Variants in OXNAD1 observed in about 807,000 individuals in gnomAD.
OXNAD1 encodes the protein oxidoreductase NAD-binding domain-containing protein 1.
In OXNAD1, 34 loss-of-function variants were observed where a neutral mutation model predicts 32.9. That is an observed-to-expected ratio of 1.03 (90% confidence interval 0.79 to 1.38). OXNAD1 has a LOEUF of 1.38. Among genes scored for constraint, OXNAD1 ranks in the 40% most tolerant of loss-of-function variants. The pLI is 0.00. For missense variants in OXNAD1, 407 were observed against 379.4 expected, an observed-to-expected ratio of 1.07 and a Z score of -0.60; for synonymous variants, 134 against 135.2, an observed-to-expected ratio of 0.99 and a Z score of 0.06.
chr3:16,334,550 A>G lies in OXNAD1; in HGVS notation c.*31-2562A>G, dbSNP rs2070666263. 2.0e-5 allele frequency among the ~76,000 whole-genome samples: 3 copies of G among 152,314 alleles called. No homozygotes were observed. The highest frequency in any genetic ancestry group is 4.1e-4 in the South Asian group (2 of 4,820). ...TTTAACATTATGTTTCACCCAGACA[A>G]CAGCTCAGAGAACTGGGCAATGGCT... On this transcript the variant is annotated intron_variant, in intron 9 of 9. Transcript: ENST00000435829. The surrounding 1 kb of genome is among the most constrained non-coding windows in gnomAD (Gnocchi z 4.3).
Position 16,303,542 on chromosome 3 carries a change from T to C in OXNAD1, c.919T>C (p.Cys307Arg). ...CAACCATGTACCCAAAGAACACATT[T>C]GCTTTGAGAAGTGGTGGTAGGAGGC... ...ENNHVPKEHI[C>R]FEKWW The change falls in exon 9 of 9, where the codon TGC becomes CGC. Residue 307 changes from cysteine (C) to arginine (R), a missense_variant. Coordinates refer to ENST00000285083, the MANE Select transcript of OXNAD1 (RefSeq NM_138381.5). This position sits in a 1 kb window ranked among gnomAD's most constrained non-coding sequence, Gnocchi z 4.8. The C allele has an allele frequency of 6.2e-7, 1 of 1,613,938 alleles. No homozygotes were observed. Among genetic ancestry groups the C allele is most frequent in the South Asian group, 1.1e-5 (1 of 91,082 alleles).
chr3:16,266,121 A>T (rs2064479274), intron 1 of OXNAD1, among the ~76,000 whole-genome samples: 1 of 152,184 alleles, frequency 6.6e-6, no homozygotes, highest in Admixed American at 6.5e-5. Context: ...TGAGTTGTTG[A>T]TTACCTCTGG....
chr3:16,266,011 T>G (rs867913283), intron 1 of OXNAD1, among the ~76,000 whole-genome samples: 7 of 152,232 alleles, frequency 4.6e-5, no homozygotes, highest in African/African-American at 1.7e-4. Flanking sequence ...ACCGATTACA[T>G]TGGGTCTTAC....
chr3:16,316,714 C>T lies in OXNAD1; in HGVS notation c.*30+13122C>T. On this transcript the variant is annotated intron_variant, in intron 9 of 9. Transcript: ENST00000435829. The surrounding 1 kb of genome is among the most constrained non-coding windows in gnomAD (Gnocchi z 4.5). The stretch of plus-strand genomic sequence containing the variant: ...GTGAGCTCACAAGGAGAGGTCAAGC[C>T]AAGCCAAAGGGTAGGTAACACACAA... The T allele has an allele frequency of 7.5e-7, 1 of 1,332,836 alleles. No homozygotes were observed. Among genetic ancestry groups the T allele is most frequent in the East Asian group, 2.3e-5 (1 of 43,540 alleles). The allele number at this position is 1,332,836 out of a possible 1,614,324, so 82.6% of individuals were successfully genotyped here.
chr3:16,327,014 G>T lies in OXNAD1; in HGVS notation c.*31-10098G>T. On this transcript the variant is annotated intron_variant, in intron 9 of 9. Coordinates refer to the OXNAD1 transcript ENST00000435829. This position sits in a 1 kb window ranked among gnomAD's most constrained non-coding sequence, Gnocchi z 4.2. ...CCGGCCACTCAGAGGCTCCTGCTCCGATGCTTGCTGAAGACTTTAAAAGTT... is the reference window on the plus strand; with the variant it reads ...CCGGCCACTCAGAGGCTCCTGCTCCTATGCTTGCTGAAGACTTTAAAAGTT... 1 of 608,126 alleles carries T rather than the reference G, an allele frequency of 1.6e-6. No individual in the cohort carries two copies. Among genetic ancestry groups the T allele is most frequent in the Admixed American group, 3.0e-5 (1 of 32,838 alleles). The allele number at this position is 608,126 out of a possible 1,614,324, so 37.7% of individuals were successfully genotyped here.
chr3:16,306,841 G>T (rs2067596053), downstream of OXNAD1, among the ~76,000 whole-genome samples: 1 of 152,132 alleles, frequency 6.6e-6, no homozygotes, highest in African/African-American at 2.4e-5. Context: ...GGCATATAAT[G>T]TCTGTCCCAC....
In OXNAD1 at chr3:16,301,979, G is replaced by T; in HGVS notation, c.675+111G>T. The T allele has an allele frequency of 2.2e-6, 3 of 1,378,984 alleles. No homozygotes were observed. Among genetic ancestry groups the T allele is most frequent in the Non-Finnish European group, 2.9e-6 (3 of 1,021,428 alleles). The allele number at this position is 1,378,984 out of a possible 1,614,324, so 85.4% of individuals were successfully genotyped here. A position where few individuals can be genotyped will look rare whatever the true frequency, so the allele number is the denominator to read the frequency against. On this transcript the variant is annotated intron_variant, in intron 7 of 8. Coordinates refer to ENST00000285083, the MANE Select transcript of OXNAD1 (RefSeq NM_138381.5). This position sits in a 1 kb window ranked among gnomAD's most constrained non-coding sequence, Gnocchi z 4.1. ...CTGCAAAGGTTCAAACAAAAGGCTT[G>T]GCAAGATTTAATCATGCTTAAATGA...
rs1360879939 is a variant in OXNAD1, at chr3:16,321,667, A to G, written c.*31-15445A>G. Among the ~76,000 whole-genome samples, 1 of 152,184 alleles carries G rather than the reference A, an allele frequency of 6.6e-6. No homozygotes were observed. The highest frequency in any genetic ancestry group is 2.1e-4 in the South Asian group (1 of 4,834). On this transcript the variant is annotated intron_variant, in intron 9 of 9. Transcript: ENST00000435829. This position sits in a 1 kb window ranked among gnomAD's most constrained non-coding sequence, Gnocchi z 4.8. ...AACAAGTGCTCCACACCAGTCACCT[A>G]CAGTCTTGGAATGAGGCAGGAAATA... is the stretch of plus-strand genomic sequence containing the variant.
At chr3:16,272,644 G>A (rs2065030392) in intron 4 of OXNAD1, among the ~76,000 whole-genome samples, 1 of 118,826 alleles carries the variant, frequency 8.4e-6, no homozygotes, top group African/African-American at 3.3e-5. Context: ...TCAGCTTAAA[G>A]TTCTTTTTTT....
chr3:16,348,369 A>AG lies in OXNAD1; in HGVS notation c.*31-807_*31-806insG, dbSNP rs1003339892. Among the ~76,000 whole-genome samples, 10 of 152,206 alleles carry AG rather than the reference A, an allele frequency of 6.6e-5. No individual in the cohort carries two copies. Among genetic ancestry groups the AG allele is most frequent in the African/African-American group, 2.2e-4 (9 of 41,526 alleles). On this transcript the variant is annotated intron_variant, in intron 9 of 9. Coordinates refer to the OXNAD1 transcript ENST00000606098. This position sits in a 1 kb window ranked among gnomAD's most constrained non-coding sequence, Gnocchi z 6.3. Reference sequence around the variant, plus strand: ...CCAATATGTGTTCTAATTATAAAAAAAAATTAATAGATGTGCCTTCTCTTC... The same window carrying AG: ...CCAATATGTGTTCTAATTATAAAAAAGAAATTAATAGATGTGCCTTCTCTTC...
At chr3:16,291,177 G>A (rs2066406911) in intron 5 of OXNAD1, among the ~76,000 whole-genome samples, 1 of 152,160 alleles carries the variant, frequency 6.6e-6, no homozygotes, top group African/African-American at 2.4e-5. Context: ...GGCCATATCG[G>A]CCTATTAAGT....
rs796214636 is a variant in OXNAD1, at chr3:16,329,065, G to A, written c.*31-8047G>A. On this transcript the variant is annotated intron_variant, in intron 9 of 9. Transcript: ENST00000435829. This position sits in a 1 kb window ranked among gnomAD's most constrained non-coding sequence, Gnocchi z 4.5. Reference sequence around the variant, plus strand: ...TTGAATGGTGAGGCCTGGTGGGAGTGTTTAGGTCAGAAGGGCTCCACTCTT... The same window carrying A: ...TTGAATGGTGAGGCCTGGTGGGAGTATTTAGGTCAGAAGGGCTCCACTCTT... Among the ~76,000 whole-genome samples the A allele has an allele frequency of 1.8e-4, 27 of 152,354 alleles. No homozygotes were observed. Among genetic ancestry groups the A allele is most frequent in the African/African-American group, 6.5e-4 (27 of 41,586 alleles).
chr3:16,276,857 C>T (rs950032158), intron 4 of OXNAD1, among the ~76,000 whole-genome samples: 1 of 151,852 alleles, frequency 6.6e-6, no homozygotes, highest in African/African-American at 2.4e-5. Flanking sequence ...AAAATCCAAT[C>T]ATGGTACTAC....
chr3:16,332,078 A>T (rs1408925519), intron 9 of OXNAD1, among the ~76,000 whole-genome samples: 1 of 152,130 alleles, frequency 6.6e-6, no homozygotes, highest in East Asian at 1.9e-4. Context: ...ATTTCATGAC[A>T]ATGTGCTTTG....
In OXNAD1 at chr3:16,348,916, G is replaced by A. The variant is rs1426035358; in HGVS notation, c.*31-260G>A. On this transcript the variant is annotated intron_variant, in intron 9 of 9. Transcript: ENST00000606098. The surrounding 1 kb of genome is among the most constrained non-coding windows in gnomAD (Gnocchi z 6.3). ...CACATTTCAGAACACCCGAGCAAGT[G>A]GCTGCTGCCAAGGAGGAGGCAGAGG... Among the ~76,000 whole-genome samples the A allele has an allele frequency of 6.6e-6, 1 of 152,194 alleles. No homozygotes were observed. The highest frequency in any genetic ancestry group is 1.5e-5 in the Non-Finnish European group (1 of 68,032).
chr3:16,324,469 T>C (rs2069455053), intron 9 of OXNAD1, among the ~76,000 whole-genome samples: 1 of 152,138 alleles, frequency 6.6e-6, no homozygotes, highest in Non-Finnish European at 1.5e-5. Flanking sequence ...GTAAACACCA[T>C]TCTACTCTCT....
At chr3:16,311,572 G>GAAAT (rs2067985367) in intron 9 of OXNAD1, among the ~76,000 whole-genome samples, 1 of 152,176 alleles carries the variant, frequency 6.6e-6, no homozygotes, top group Non-Finnish European at 1.5e-5. Flanking sequence ...TTACTCTGAG[G>GAAAT]AAATGCCTTT....
In OXNAD1 at chr3:16,317,952, C is replaced by T. The variant is rs1209364868; in HGVS notation, c.*30+14360C>T. Among the ~76,000 whole-genome samples, 3 of 152,160 alleles carry T rather than the reference C, an allele frequency of 2.0e-5. No individual in the cohort carries two copies. The East Asian group carries it at 5.8e-4, about 29-fold the overall frequency. The stretch of plus-strand genomic sequence containing the variant: ...TGACTGCATCACAGCCCAAATTCTC[C>T]CTCTGCCCGCTACTGTACCGACAAG... On this transcript the variant is annotated intron_variant, in intron 9 of 9. Transcript: ENST00000435829. The surrounding 1 kb of genome is among the most constrained non-coding windows in gnomAD (Gnocchi z 4.3).
chr3:16,299,410 A>T lies in OXNAD1; in HGVS notation c.433-2216A>T, dbSNP rs953577902. ...CCTAACTGAATGCTCCCTTGCTGCT[A>T]ATTTCTTTTGTCAAAAATGAAAACC... On this transcript the variant is annotated intron_variant, in intron 6 of 8. Coordinates refer to ENST00000285083, the MANE Select transcript of OXNAD1 (RefSeq NM_138381.5). This position sits in a 1 kb window ranked among gnomAD's most constrained non-coding sequence, Gnocchi z 4.4. 1.6e-4 allele frequency among the ~76,000 whole-genome samples: 25 copies of T among 152,162 alleles called. No homozygotes were observed. Among genetic ancestry groups the T allele is most frequent in the African/African-American group, 5.3e-4 (22 of 41,440 alleles).
Sources: allele counts gnomAD v4.1 joint callset (sites outside exome capture counted in the v4.1 genomes callset), GRCh38; gene constraint gnomAD v4.1.1; non-coding constraint Gnocchi (gnomAD v3.1); transcripts MANE v1.5; gene names NCBI Gene and HGNC (gene_info 2026-07-23, HGNC 2026-07-21).